FAM200B: variants seen among roughly 807,000 people sequenced by gnomAD.
FAM200B encodes zinc finger BED-type containing 11, also known as protein FAM200B.
A neutral mutation model predicts 33.1 loss-of-function variants in FAM200B; 32 were observed. The observed-to-expected ratio is 0.97, with a 90% CI of 0.73 to 1.30. The LOEUF (loss-of-function observed/expected upper bound fraction) is 1.30, where lower values mean the gene tolerates loss of function less well. FAM200B is among the 50% of genes most tolerant of loss of function. The pLI, the probability that FAM200B is intolerant of heterozygous loss-of-function variation, is 0.00. For missense variants in FAM200B, 741 were observed against 754.0 expected, an observed-to-expected ratio of 0.98 and a Z score of 0.20; for synonymous variants, 240 against 264.8, an observed-to-expected ratio of 0.91 and a Z score of 0.91.
chr4:15,644,815 T>A, the FAM200B span: 2 of 700,452 alleles, frequency 2.9e-6, no homozygotes, highest in Non-Finnish European at 2.3e-6. Context: ...CATACTTCCC[T>A]TACACTTGGT....
rs1279372539 is a variant in FAM200B at position 15,689,604 on chromosome 4, T to C, written c.*653T>C. On this transcript the variant is annotated 3_prime_UTR_variant, in exon 2 of 2. Transcript: ENST00000422728. ...TCCTGGGCAACATAGTGAGACCTTA[T>C]TTCTACTAAAAATATTTTAAAAATA... The C allele has an allele frequency of 6.1e-6, 1 of 164,332 alleles. No individual in the cohort carries two copies. The highest frequency in any genetic ancestry group is 2.4e-5 in the African/African-American group (1 of 41,424). 10.2% of individuals were successfully genotyped at this position (164,332 alleles called of 1,614,324 possible).
upstream of FAM200B, among the ~76,000 whole-genome samples, chr4:15,677,418 G>A (rs984052062): frequency 3.9e-5 from 6 of 152,112 alleles, no homozygotes; most frequent in Non-Finnish European, 5.9e-5. Flanking sequence ...ATAGGGGTTG[G>A]GAGATAGAGA....
the FAM200B span, among the ~76,000 whole-genome samples, chr4:15,661,632 CT>C: frequency 6.6e-6 from 1 of 151,978 alleles, no homozygotes; most frequent in Non-Finnish European, 1.5e-5. Context: ...AAGATGGGGT[CT>C]TTTTTTTCTC....
rs1371618284 is a variant in FAM200B at position 15,686,234 on chromosome 4, A to C, written c.-742-2A>C. Reference sequence around the variant, plus strand: ...ATGTCTTATCTCTGGTCTTATTCCCAGGTCAAGGATGCATTCCAGGAAAGT... The same window carrying C: ...ATGTCTTATCTCTGGTCTTATTCCCCGGTCAAGGATGCATTCCAGGAAAGT... On this transcript the variant is annotated splice_acceptor_variant, in intron 1 of 1. Coordinates refer to ENST00000422728, the MANE Select transcript of FAM200B (RefSeq NM_001145191.2). LOFTEE classifies it low-confidence loss of function (5UTR_SPLICE). 6.6e-6 allele frequency: 1 copy of C among 152,170 alleles called. No individual in the cohort carries two copies. Among genetic ancestry groups the C allele is most frequent in the Non-Finnish European group, 1.5e-5 (1 of 68,016 alleles). 9.4% of individuals were successfully genotyped at this position (152,170 alleles called of 1,614,324 possible). A position where few individuals can be genotyped will look rare whatever the true frequency, so the allele number is the denominator to read the frequency against.
At chr4:15,659,610 T>C in the FAM200B span, 87 of 290,030 alleles carry the variant, frequency 3.0e-4, 2 homozygotes, top group South Asian at 0.01. Flanking sequence ...AAAATCATAG[T>C]CTCTTTCATT....
chr4:15,679,570 A>C (rs558972421), upstream of FAM200B, among the ~76,000 whole-genome samples: 1,270 of 151,654 alleles, frequency 8.4e-3, 19 homozygotes, highest in African/African-American at 0.029. Context: ...AACAAAAAAA[A>C]AAAAAAACAA....
chr4:15,655,919 G>T, the FAM200B span, among the ~76,000 whole-genome samples: 12 of 152,362 alleles, frequency 7.9e-5, no homozygotes, highest in Middle Eastern at 3.4e-3. Context: ...AACCAGAGCT[G>T]CGGGCTCTGA....
At chr4:15,643,102 T>G in the FAM200B span, among the ~76,000 whole-genome samples, 1 of 152,160 alleles carries the variant, frequency 6.6e-6, no homozygotes, top group East Asian at 1.9e-4. Flanking sequence ...CGAAAGAATA[T>G]TCAATAAAAA....
At chr4:15,654,589 G>A in the FAM200B span, among the ~76,000 whole-genome samples, 4 of 152,190 alleles carry the variant, frequency 2.6e-5, no homozygotes, top group Non-Finnish European at 5.9e-5. Flanking sequence ...AACGACACAT[G>A]AAGAGTGAAG....
At chr4:15,684,566 C>A (rs900728613) in intron 1 of FAM200B, 2 of 152,154 alleles carry the variant, frequency 1.3e-5, no homozygotes, top group Non-Finnish European at 2.9e-5. Context: ...ATGTTAGCAT[C>A]CTTATATGAA....
At chr4:15,637,902 T>TTA in the FAM200B span, among the ~76,000 whole-genome samples, 712 of 144,842 alleles carry the variant, frequency 4.9e-3, 7 homozygotes, top group African/African-American at 0.016. Context: ...CTAGTTTTTT[T>TTA]AAAAAAAAAA....
At chr4:15,644,607 A>G in the FAM200B span, 1 of 1,614,124 alleles carries the variant, frequency 6.2e-7, no homozygotes, top group Non-Finnish European at 8.5e-7. Flanking sequence ...TAATGTATTC[A>G]TTTTCAATCT....
the FAM200B span, among the ~76,000 whole-genome samples, chr4:15,637,204 C>T: frequency 6.6e-6 from 1 of 152,276 alleles, no homozygotes; most frequent in Non-Finnish European, 1.5e-5. Flanking sequence ...CTGCCTTAAC[C>T]TAGAGATGCT....
chr4:15,679,562 C>CAAAAAAA (rs1202369624), upstream of FAM200B, among the ~76,000 whole-genome samples: 7 of 94,282 alleles, frequency 7.4e-5, no homozygotes, highest in Non-Finnish European at 1.4e-4. Flanking sequence ...AGTTCAGGAA[C>CAAAAAAA]AAAAAAAAAA....
chr4:15,640,933 T>C, the FAM200B span: 4 of 1,009,984 alleles, frequency 4.0e-6, no homozygotes, highest in Non-Finnish European at 5.7e-6. Flanking sequence ...GCTTCATTAA[T>C]TATGTCTGGT....
chr4:15,649,656 TATAA>T, the FAM200B span, among the ~76,000 whole-genome samples: 1 of 151,706 alleles, frequency 6.6e-6, no homozygotes, highest in African/African-American at 2.4e-5. Context: ...AATCTGTTTA[TATAA>T]ATAGTTTTTA....
chr4:15,652,329 A>C, the FAM200B span, among the ~76,000 whole-genome samples: 2 of 152,176 alleles, frequency 1.3e-5, no homozygotes, highest in Non-Finnish European at 2.9e-5. Flanking sequence ...CCTAACAATG[A>C]CTTGGGTTTC....
chr4:15,651,485 C>T, the FAM200B span, among the ~76,000 whole-genome samples: 1 of 152,126 alleles, frequency 6.6e-6, no homozygotes, highest in Non-Finnish European at 1.5e-5. Flanking sequence ...ATTAAATTCC[C>T]TTTTCCTTCT....
chr4:15,640,657 C>T, the FAM200B span: 1 of 446,454 alleles, frequency 2.2e-6, no homozygotes, highest in Non-Finnish European at 4.0e-6. Context: ...TCTTTTTTCC[C>T]AAAAAGAACT....
Sources: allele counts gnomAD v4.1 joint callset (sites outside exome capture counted in the v4.1 genomes callset), GRCh38; gene constraint gnomAD v4.1.1; transcripts MANE v1.5; gene names NCBI Gene and HGNC (gene_info 2026-07-23, HGNC 2026-07-21).